The following CTNNA2 variants were observed in gnomAD, a reference collection of about 807,000 sequenced individuals.
The protein encoded by CTNNA2 is catenin alpha-2.
Under a neutral mutation model 101.0 loss-of-function variants are expected in CTNNA2, and 42 were observed. The ratio of observed to expected loss-of-function variants is 0.42; its 90% CI spans 0.32 to 0.54. The LOEUF (loss-of-function observed/expected upper bound fraction) is 0.54, where lower values mean the gene tolerates loss of function less well. Ranked by LOEUF, CTNNA2 falls within the 20% of genes least tolerant of loss-of-function variation. The probability of loss-of-function intolerance (pLI) is 0.14; values close to 1 mark genes in which losing one functional copy is unlikely to be tolerated. For missense variants in CTNNA2, 871 were observed against 1,223.1 expected (o/e 0.71, Z 4.29); for synonymous variants, 450 against 456.4 (o/e 0.99, Z 0.18).
intron 7 of CTNNA2, among the ~76,000 whole-genome samples, chr2:80,381,213 C>T (rs1039411764): frequency 2.0e-5 from 3 of 151,560 alleles, no homozygotes; most frequent in African/African-American, 7.3e-5. Flanking sequence ...GCTTGGAGAT[C>T]AGTTTGAGAA....
chr2:79,671,503 A>G (rs2104585656), intron 2 of CTNNA2, among the ~76,000 whole-genome samples: 1 of 152,348 alleles, frequency 6.6e-6, no homozygotes, highest in East Asian at 1.9e-4. Flanking sequence ...TGAGAAGGAA[A>G]AAAAAGATAA....
chr2:79,255,896 G>A (rs1674838584), intron 2 of CTNNA2, among the ~76,000 whole-genome samples: 1 of 152,080 alleles, frequency 6.6e-6, no homozygotes, highest in South Asian at 2.1e-4. Context: ...AAAGTCAAGA[G>A]CAAATTAATT....
intron 1 of CTNNA2, chr2:79,547,981 G>C (rs2104028924): frequency 6.6e-6 from 1 of 152,274 alleles, no homozygotes; most frequent in East Asian, 1.9e-4. Context: ...GCATCTTCTT[G>C]ATATTCATGG....
chr2:80,440,827 T>G (rs1036878325), intron 9 of CTNNA2, among the ~76,000 whole-genome samples: 8 of 152,198 alleles, frequency 5.3e-5, no homozygotes, highest in African/African-American at 1.9e-4. Flanking sequence ...TGGGGCAGAA[T>G]AGACTAAGTA....
intron 4 of CTNNA2, among the ~76,000 whole-genome samples, chr2:79,453,994 TATAG>T (rs1188759587): frequency 6.6e-6 from 1 of 152,128 alleles, no homozygotes; most frequent in East Asian, 1.9e-4. Flanking sequence ...TTTATTATCA[TATAG>T]ATAAAGCCCC....
chr2:79,824,083 A>G (rs1375691583), intron 3 of CTNNA2, among the ~76,000 whole-genome samples: 1 of 152,214 alleles, frequency 6.6e-6, no homozygotes, highest in African/African-American at 2.4e-5. Flanking sequence ...AATGAAAACA[A>G]GCACAGCCCA....
chr2:79,570,861 C>T (rs1675420922), intron 1 of CTNNA2, among the ~76,000 whole-genome samples: 1 of 151,968 alleles, frequency 6.6e-6, no homozygotes, highest in Non-Finnish European at 1.5e-5. Context: ...ATACTCCTGC[C>T]CTCAGGAGAC....
In CTNNA2 at chr2:79,227,547, GACAACCACA is replaced by G. The variant is rs149245936; in HGVS notation, c.-406+29473_-406+29481del. Among the ~76,000 whole-genome samples the G allele has an allele frequency of 5.9e-3, 893 of 152,178 alleles. 4 individuals carry two copies. Among genetic ancestry groups the G allele is most frequent in the African/African-American group, 0.021 (870 of 41,522 alleles). ...CAGAGATACTGCAAGTTTGATTCCA[GACAACCACA>G]ATAAAACACATATCAAAGTAAAGTG... On this transcript the variant is annotated intron_variant, in intron 2 of 21. Transcript: ENST00000466387.
chr2:80,644,982 A>G (rs1428980655), intron 18 of CTNNA2, among the ~76,000 whole-genome samples: 1 of 152,142 alleles, frequency 6.6e-6, no homozygotes, highest in Non-Finnish European at 1.5e-5. Context: ...AATCTGTGGT[A>G]AAAATCTCCA....
At chr2:80,108,322 G>A (rs964236407) in intron 7 of CTNNA2, among the ~76,000 whole-genome samples, 25 of 152,126 alleles carry the variant, frequency 1.6e-4, no homozygotes, top group Admixed American at 1.4e-3. Context: ...GTAGGTATAG[G>A]CTAGTGTTTA....
intron 2 of CTNNA2, among the ~76,000 whole-genome samples, chr2:79,285,938 C>G: frequency 6.8e-6 from 1 of 147,636 alleles, no homozygotes; most frequent in Non-Finnish European, 1.5e-5. Flanking sequence ...CTGGGTGCTC[C>G]TGTATTGGGT....
intron 7 of CTNNA2, among the ~76,000 whole-genome samples, chr2:80,085,977 C>G (rs1459846246): frequency 2.0e-5 from 3 of 151,930 alleles, no homozygotes; most frequent in East Asian, 3.9e-4. Context: ...AAGTATAGCT[C>G]TGTATTTAGA....
intron 9 of CTNNA2, among the ~76,000 whole-genome samples, chr2:80,466,927 A>G (rs1378412362): frequency 6.6e-6 from 1 of 152,226 alleles, no homozygotes; most frequent in Non-Finnish European, 1.5e-5. Context: ...AGTGAATTTC[A>G]TGGGCTGTAC....
chr2:79,415,088 G>C (rs1007428344), intron 4 of CTNNA2, among the ~76,000 whole-genome samples: 1 of 152,132 alleles, frequency 6.6e-6, no homozygotes, highest in African/African-American at 2.4e-5. Context: ...AGGTTGAAAA[G>C]TGATCCTCAG....
rs536124480 is a variant in CTNNA2 at position 80,308,098 on chromosome 2, G to A, written c.1057-85113G>A. 9.9e-5 allele frequency among the ~76,000 whole-genome samples: 15 copies of A among 152,042 alleles called. No individual in the cohort carries two copies. The South Asian group carries it at 2.9e-3, about 30-fold the overall frequency. ...TTGTAAATTAGCCTTTGCCTAATGA[G>A]CCCTCCTGTTTTTCGTGGTACTCTA... On this transcript the variant is annotated intron_variant, in intron 7 of 18. Transcript: ENST00000402739.
chr2:80,192,993 C>T (rs1381768539), intron 7 of CTNNA2, among the ~76,000 whole-genome samples: 2 of 152,132 alleles, frequency 1.3e-5, no homozygotes, highest in East Asian at 1.9e-4. Context: ...AAGGTGTATA[C>T]AGGATTGTAG....
intron 7 of CTNNA2, among the ~76,000 whole-genome samples, chr2:79,966,568 C>A (rs1690079120): frequency 6.6e-6 from 1 of 152,222 alleles, no homozygotes; most frequent in East Asian, 1.9e-4. Context: ...ACGTCATTAA[C>A]CTTAACAGCC....
chr2:80,178,760 GC>G (rs1438139133), intron 7 of CTNNA2, among the ~76,000 whole-genome samples: 3 of 152,154 alleles, frequency 2.0e-5, no homozygotes, highest in African/African-American at 7.2e-5. Context: ...TGTAGGAGGG[GC>G]CAAATGCAGC....
intron 4 of CTNNA2, among the ~76,000 whole-genome samples, chr2:79,475,930 C>G (rs4852493): frequency 0.34 from 51,860 of 151,922 alleles, 9,356 homozygotes; most frequent in Non-Finnish European, 0.4. Flanking sequence ...AATGCATTTT[C>G]CGAGTTCCAT....
Sources: allele counts gnomAD v4.1 joint callset (sites outside exome capture counted in the v4.1 genomes callset), GRCh38; gene constraint gnomAD v4.1.1; transcripts MANE v1.5; gene names NCBI Gene and HGNC (gene_info 2026-07-23, HGNC 2026-07-21).